IL3RA: variants seen among roughly 807,000 people sequenced by gnomAD.
IL3RA encodes interleukin 3 receptor subunit alpha.
Under a neutral mutation model 52.3 loss-of-function variants are expected in IL3RA, and 73 were observed. That is an observed-to-expected ratio of 1.40 (90% CI 1.16 to 1.70). The LOEUF is 1.70. Ranked by LOEUF, IL3RA falls within the 40% of genes most tolerant of loss-of-function variation. The probability of loss-of-function intolerance (pLI) is 0.00; values close to 1 mark genes in which losing one functional copy is unlikely to be tolerated. For missense variants in IL3RA, 664 were observed against 504.4 expected, an observed-to-expected ratio of 1.32 and a Z score of -3.03; for synonymous variants, 260 against 194.0, an observed-to-expected ratio of 1.34 and a Z score of -2.83.
At chrX:1,357,406 G>A (rs2086821464) in intron 7 of IL3RA, among the ~76,000 whole-genome samples, 1 of 151,874 alleles carries the variant, frequency 6.6e-6, no homozygotes, top group South Asian at 2.1e-4. Flanking sequence ...TGTTGCCCAG[G>A]CTGGGGTGCA....
At chrX:1,350,890 A>AGACAAAC (rs775177748) in intron 4 of IL3RA, among the ~76,000 whole-genome samples, 110,545 of 150,636 alleles carry the variant, frequency 0.73, 40,813 homozygotes, top group Middle Eastern at 0.82. Flanking sequence ...CTCTGTCTTA[A>AGACAAAC]ACACACACAC....
intron 8 of IL3RA, among the ~76,000 whole-genome samples, chrX:1,363,302 CTT>C (rs769178382): frequency 2.3e-4 from 30 of 130,564 alleles, no homozygotes; most frequent in African/African-American, 2.5e-4. Context: ...GTCTTTTCTT[CTT>C]TTTTTTTTTT....
At chrX:1,348,680 T>TCC (rs2085915725) in intron 4 of IL3RA, 135 bp downstream of exon 4, 1 of 398,078 alleles carries the variant, frequency 2.5e-6, no homozygotes. Context: ...CTTTCTTTCT[T>TCC]TCTTTCTTTC....
chrX:1,357,662 A>G (rs1295373905), intron 7 of IL3RA, among the ~76,000 whole-genome samples: 1 of 151,846 alleles, frequency 6.6e-6, no homozygotes, highest in African/African-American at 2.4e-5. Context: ...GTGCCCCGCC[A>G]TATATTTATT....
chrX:1,355,382 G>GA (rs1347977062), intron 6 of IL3RA, among the ~76,000 whole-genome samples: 1 of 126,612 alleles, frequency 7.9e-6, no homozygotes, highest in Non-Finnish European at 1.7e-5. Flanking sequence ...AGGAGTGGTA[G>GA]AAAAAGGAGA....
At chrX:1,365,299 TGCGCGGGGTG>T (rs1327287573) in intron 9 of IL3RA, 47 bp downstream of exon 9, 1 of 1,146,680 alleles carries the variant, frequency 8.7e-7, no homozygotes, top group African/African-American at 2.1e-5. Context: ...GTGAGCGGGG[TGCGCGGGGTG>T]AGCGGGGTGC....
chrX:1,357,004 T>C (rs1220947598), intron 7 of IL3RA, among the ~76,000 whole-genome samples: 1 of 152,044 alleles, frequency 6.6e-6, no homozygotes, highest in Non-Finnish European at 1.5e-5. Context: ...CAGACTGGAG[T>C]GCAGTGGCTT....
chrX:1,378,055 G>T lies in IL3RA; in HGVS notation c.875-604G>T, dbSNP rs1328868233. 6.6e-5 allele frequency among the ~76,000 whole-genome samples: 10 copies of T among 150,524 alleles called. No individual in the cohort carries two copies. In the East Asian group the frequency reaches 9.8e-4, roughly 15 times the overall value. ...ACAAAAATTACCCGGGCGTGGTGGC[G>T]GGCGCCTGTAGTCCCAGCTACTCGG... On this transcript the variant is annotated intron_variant, in intron 9 of 11. Transcript: ENST00000331035.
chrX:1,367,583 C>T (rs1318096987), intron 9 of IL3RA, among the ~76,000 whole-genome samples: 1 of 99,790 alleles, frequency 1.0e-5, no homozygotes, highest in African/African-American at 4.5e-5. Context: ...GCGGGGTGAG[C>T]GGGGTGAGCC....
At chrX:1,369,397 C>T (rs1438277812) in intron 9 of IL3RA, among the ~76,000 whole-genome samples, 79 of 4,448 alleles carry the variant, frequency 0.018, no homozygotes, top group Non-Finnish European at 0.015. Flanking sequence ...CACAGAGGGA[C>T]GACCCTGTGA....
chrX:1,360,947 CTCTG>C (rs1461584725), intron 8 of IL3RA, among the ~76,000 whole-genome samples: 2 of 39,840 alleles, frequency 5.0e-5, no homozygotes, highest in East Asian at 4.1e-4. Flanking sequence ...CTCCCTTCCC[CTCTG>C]TCTCTCTCTC....
intron 8 of IL3RA, among the ~76,000 whole-genome samples, chrX:1,364,359 TGG>T (rs1209124804): frequency 7.0e-6 from 1 of 141,892 alleles, no homozygotes; most frequent in East Asian, 2.1e-4. Flanking sequence ...AGCGTGGTGG[TGG>T]GCGCCTGTAA....
At position 1,378,517 on chromosome X, in the gene IL3RA, G is replaced by A. The variant is rs1251547375; in HGVS notation, c.875-142G>A. The A allele has an allele frequency of 7.4e-6, 5 of 678,394 alleles. No individual in the cohort carries two copies. The East Asian group carries it at 1.1e-4, about 15-fold the overall frequency. 42.0% of individuals were successfully genotyped at this position (678,394 alleles called of 1,614,324 possible). A position where few individuals can be genotyped will look rare whatever the true frequency, so the allele number is the denominator to read the frequency against. On this transcript the variant is annotated intron_variant, in intron 9 of 11. Coordinates refer to ENST00000331035, the MANE Select transcript of IL3RA (RefSeq NM_002183.4). ...AGGTGGTCACGGTCTCTGTGCAGGT[G>A]GCACTACTGGGGTGTCCCCCCCTGG... is the stretch of plus-strand genomic sequence containing the variant.
At chrX:1,355,738 C>G (rs1462515444) in intron 6 of IL3RA, among the ~76,000 whole-genome samples, 1 of 151,810 alleles carries the variant, frequency 6.6e-6, no homozygotes, top group Non-Finnish European at 1.5e-5. Flanking sequence ...GTGTAGGAGT[C>G]TGCATCTTGA....
chrX:1,378,519 C>T, intron 9 of IL3RA, 140 bp from the exon 10 acceptor site: 2 of 687,210 alleles, frequency 2.9e-6, no homozygotes, highest in Admixed American at 2.5e-5. Flanking sequence ...GTGCAGGTGG[C>T]ACTACTGGGG....
chrX:1,342,479 G>T (rs1259880328), intron 2 of IL3RA, among the ~76,000 whole-genome samples: 1 of 149,800 alleles, frequency 6.7e-6, no homozygotes, highest in African/African-American at 2.5e-5. Flanking sequence ...TTTTTCATTG[G>T]TTTTTACAGT....
In IL3RA at chrX:1,352,387, G is replaced by A. The variant is rs754277261; in HGVS notation, c.497G>A (p.Arg166His). Residue 166 changes from arginine (R) to histidine (H), a missense_variant, in exon 6 of 12, where the codon CGT becomes CAT. By Grantham distance (29) the Arg-to-His change is conservative (BLOSUM62 0). Transcript: ENST00000331035. ...TDAQGTRIGC[R>H]FDDISRLSSG... Reference sequence around the variant, plus strand: ...GCTCAGGGAACACGTATCGGGTGTCGTTTCGATGACATCTCTCGACTCTCC... The same window carrying A: ...GCTCAGGGAACACGTATCGGGTGTCATTTCGATGACATCTCTCGACTCTCC... 1.9e-6 allele frequency: 3 copies of A among 1,613,856 alleles called. No individual in the cohort carries two copies. Among genetic ancestry groups the A allele is most frequent in the Non-Finnish European group, 2.5e-6 (3 of 1,179,866 alleles).
chrX:1,339,958 C>T (rs148010890), intron 1 of IL3RA, among the ~76,000 whole-genome samples: 1,634 of 152,068 alleles, frequency 0.011, 31 homozygotes, highest in African/African-American at 0.037. Context: ...TAGGAATTTC[C>T]GTGTGTTGAT....
rs182805739 is a variant in IL3RA, at chrX:1,361,215, C to G, written c.759+2328C>G. 1.5e-4 allele frequency among the ~76,000 whole-genome samples: 22 copies of G among 151,416 alleles called. No homozygotes were observed. In the East Asian group the frequency reaches 1.5e-3, roughly 11 times the overall value. On this transcript the variant is annotated intron_variant, in intron 8 of 11. Transcript: ENST00000331035. ...TCTCTCCATTCCCCTGTCTCTATGT[C>G]TCTCCCTTTCTCTCTCCCATTATTT...
Sources: allele counts gnomAD v4.1 joint callset (sites outside exome capture counted in the v4.1 genomes callset), GRCh38; gene constraint gnomAD v4.1.1; transcripts MANE v1.5; gene names NCBI Gene and HGNC (gene_info 2026-07-23, HGNC 2026-07-21).